The following GALNT17 variants were observed in gnomAD, a reference collection of about 807,000 sequenced individuals.
GALNT17 encodes polypeptide N-acetylgalactosaminyltransferase 17.
Under a neutral mutation model 63.7 loss-of-function variants are expected in GALNT17, and 29 were observed. That is an observed-to-expected ratio of 0.46 (90% CI 0.34 to 0.62). The LOEUF is 0.62. GALNT17 is among the 20% of genes least tolerant of loss of function. The probability of loss-of-function intolerance (pLI) is 0.01; values close to 1 mark genes in which losing one functional copy is unlikely to be tolerated. For synonymous variants in GALNT17, 305 were observed against 318.3 expected (o/e 0.96, Z 0.45); for missense variants, 603 against 799.6 (o/e 0.75, Z 2.97).
intron 2 of GALNT17, among the ~76,000 whole-genome samples, chr7:71,349,722 A>G (rs375944565): frequency 4.6e-5 from 7 of 152,344 alleles, no homozygotes; most frequent in East Asian, 3.9e-4. Flanking sequence ...ACGTGCCCCA[A>G]TGATGAAGCA....
chr7:71,464,988 T>C (rs1468575849), intron 5 of GALNT17, among the ~76,000 whole-genome samples: 1 of 152,140 alleles, frequency 6.6e-6, no homozygotes, highest in Non-Finnish European at 1.5e-5. Context: ...TGGACTAGCA[T>C]TCTAAAGAAC....
intron 2 of GALNT17, among the ~76,000 whole-genome samples, chr7:71,347,776 G>A (rs1230267921): frequency 6.6e-6 from 1 of 152,086 alleles, no homozygotes; most frequent in Non-Finnish European, 1.5e-5. Context: ...AACATATTGA[G>A]GAAGATTCAG....
At chr7:71,550,374 TTG>T (rs900812133) in intron 5 of GALNT17, among the ~76,000 whole-genome samples, 2 of 150,478 alleles carry the variant, frequency 1.3e-5, no homozygotes, top group African/African-American at 4.8e-5. Flanking sequence ...TTTTGTTTTT[TTG>T]TGTGTGTTTT....
At chr7:71,676,678 C>T (rs2117065910) in intron 8 of GALNT17, among the ~76,000 whole-genome samples, 1 of 152,300 alleles carries the variant, frequency 6.6e-6, no homozygotes, top group Admixed American at 6.6e-5. Context: ...CCGCATCCAG[C>T]CTAATTTGCT....
At chr7:71,201,255 A>ATATATATATATATATATATATATATAAT (rs1307446666) in intron 1 of GALNT17, among the ~76,000 whole-genome samples, 4 of 149,546 alleles carry the variant, frequency 2.7e-5, no homozygotes, top group African/African-American at 7.4e-5. Flanking sequence ...ATATATATAT[A>ATATATATATATATATATATATATATAAT]TAATTTGTGT....
chr7:71,422,744 C>T (rs116488404), intron 5 of GALNT17, among the ~76,000 whole-genome samples: 2,597 of 152,334 alleles, frequency 0.017, 83 homozygotes, highest in African/African-American at 0.059. Flanking sequence ...AATCAGCTTA[C>T]TTAGACCCTC....
intron 1 of GALNT17, among the ~76,000 whole-genome samples, chr7:71,237,629 G>T (rs550767627): frequency 6.6e-6 from 1 of 152,174 alleles, no homozygotes; most frequent in African/African-American, 2.4e-5. Flanking sequence ...AGGCTACTGC[G>T]AGTTATAATC....
At chr7:71,476,499 TAAAAA>T (rs58659848) in intron 5 of GALNT17, among the ~76,000 whole-genome samples, 1 of 140,200 alleles carries the variant, frequency 7.1e-6, no homozygotes, top group African/African-American at 2.6e-5. Context: ...ATATTTTGTT[TAAAAA>T]AAAAAAAAAA....
At chr7:71,504,836 G>A (rs765847670) in intron 5 of GALNT17, among the ~76,000 whole-genome samples, 77 of 151,928 alleles carry the variant, frequency 5.1e-4, no homozygotes, top group African/African-American at 1.1e-3. Context: ...TCAATGCTAC[G>A]TCCTGAATAG....
chr7:71,513,532 T>C (rs1788399565), intron 5 of GALNT17, among the ~76,000 whole-genome samples: 1 of 152,008 alleles, frequency 6.6e-6, no homozygotes, highest in African/African-American at 2.4e-5. Flanking sequence ...ACTACAGGCA[T>C]GCTCCACCAT....
chr7:71,482,073 ATATGTATATGTG>A (rs1787827044), intron 5 of GALNT17, among the ~76,000 whole-genome samples: 1 of 52,188 alleles, frequency 1.9e-5, no homozygotes, highest in African/African-American at 5.3e-5. Flanking sequence ...AGGTATACAT[ATATGTATATGTG>A]TGTGTGTGTG....
At chr7:71,603,974 A>G (rs1790008151) in intron 6 of GALNT17, among the ~76,000 whole-genome samples, 1 of 138,368 alleles carries the variant, frequency 7.2e-6, no homozygotes. Context: ...TGCTAAGTGC[A>G]TATACCAGGT....
chr7:71,470,493 T>G (rs528271892), intron 5 of GALNT17, among the ~76,000 whole-genome samples: 5 of 152,044 alleles, frequency 3.3e-5, no homozygotes, highest in Non-Finnish European at 7.4e-5. Flanking sequence ...TTTCCATTAC[T>G]CATACACAGA....
chr7:71,615,232 A>C (rs927492587), intron 6 of GALNT17, among the ~76,000 whole-genome samples: 4 of 152,086 alleles, frequency 2.6e-5, no homozygotes, highest in African/African-American at 9.7e-5. Context: ...GTCATATTTA[A>C]TTTTAGCTGC....
At chr7:71,384,065 A>G (rs1465024195) in intron 2 of GALNT17, among the ~76,000 whole-genome samples, 1 of 152,084 alleles carries the variant, frequency 6.6e-6, no homozygotes, top group Non-Finnish European at 1.5e-5. Flanking sequence ...ACAGTGCACA[A>G]GGGTTTCAAT....
chr7:71,632,569 T>C (rs1790467483), intron 6 of GALNT17, among the ~76,000 whole-genome samples: 1 of 152,028 alleles, frequency 6.6e-6, no homozygotes, highest in Non-Finnish European at 1.5e-5. Flanking sequence ...CTAATGCATC[T>C]GTGGGTCTGT....
At chr7:71,267,583 C>G (rs1052450559) in intron 1 of GALNT17, among the ~76,000 whole-genome samples, 1 of 152,268 alleles carries the variant, frequency 6.6e-6, no homozygotes, top group South Asian at 2.1e-4. Flanking sequence ...ATATCTGTTG[C>G]GCTCATTTGC....
At chr7:71,630,879 G>A (rs1030663951) in intron 6 of GALNT17, among the ~76,000 whole-genome samples, 2 of 152,232 alleles carry the variant, frequency 1.3e-5, no homozygotes, top group Non-Finnish European at 2.9e-5. Flanking sequence ...GATAGGCCAC[G>A]TCGTTAGAAT....
At chr7:71,224,236 A>C (rs1789640590) in intron 1 of GALNT17, among the ~76,000 whole-genome samples, 1 of 151,820 alleles carries the variant, frequency 6.6e-6, no homozygotes, top group Non-Finnish European at 1.5e-5. Flanking sequence ...TAGTAAACGG[A>C]GTTTTGCCAT....
Sources: gnomAD v4.1 joint callset for allele counts (sites outside exome capture counted in the v4.1 genomes callset) on GRCh38, gnomAD v4.1.1 for gene constraint, MANE v1.5 for transcripts, NCBI Gene and HGNC (gene_info 2026-07-23, HGNC 2026-07-21) for gene names.